The following ITGAV variants were observed in gnomAD, a reference collection of about 807,000 sequenced individuals.
ITGAV encodes integrin subunit alpha V, also known as integrin alpha-V.
ITGAV carries 76 observed loss-of-function variants against 143.8 expected under a neutral mutation model. The ratio of observed to expected loss-of-function variants is 0.53; its 90% CI spans 0.44 to 0.64. The LOEUF is 0.64. Ranked by LOEUF, ITGAV falls within the 30% of genes least tolerant of loss-of-function variation. ITGAV has a pLI of 0.00. For missense variants in ITGAV, 1,193 were observed against 1,274.7 expected (o/e 0.94, Z 0.98); for synonymous variants, 453 against 446.7 (o/e 1.01, Z -0.18).
At chr2:186,599,788 A>G (rs532224396) in intron 1 of ITGAV, among the ~76,000 whole-genome samples, 7 of 152,164 alleles carry the variant, frequency 4.6e-5, no homozygotes, top group East Asian at 1.9e-4. Context: ...TCTCCCATCA[A>G]TGCACTCAAG....
At chr2:186,671,694 A>G (rs1166124877) in intron 26 of ITGAV, among the ~76,000 whole-genome samples, 2 of 152,168 alleles carry the variant, frequency 1.3e-5, no homozygotes, top group Admixed American at 1.3e-4. Context: ...TATAATTACA[A>G]CATTGAACCA....
chr2:186,632,765 A>G (rs954216188), intron 5 of ITGAV, among the ~76,000 whole-genome samples: 1 of 152,164 alleles, frequency 6.6e-6, no homozygotes, highest in Non-Finnish European at 1.5e-5. Context: ...CAAAATTAAG[A>G]AGTGCCTTAA....
At chr2:186,670,006 T>C in intron 26 of ITGAV, 192 bp downstream of exon 26, 1 of 536,554 alleles carries the variant, frequency 1.9e-6, no homozygotes, top group South Asian at 2.3e-5. Context: ...TGAGCTATTT[T>C]TGTAGATGGC....
chr2:186,680,050 G>A lies in ITGAV; in HGVS notation c.*2758G>A, dbSNP rs200505465. The A allele has an allele frequency of 6.6e-6, 1 of 152,038 alleles. No individual in the cohort carries two copies. The highest frequency in any genetic ancestry group is 1.5e-5 in the Non-Finnish European group (1 of 67,942). The allele number at this position is 152,038 out of a possible 1,614,324, so 9.4% of individuals were successfully genotyped here. Reference sequence around the variant, plus strand: ...AAAGTATTGTATATAATAGATCAGCGATTTTTGTAAGGCAAACAGAATTTG... The same window carrying A: ...AAAGTATTGTATATAATAGATCAGCAATTTTTGTAAGGCAAACAGAATTTG... On this transcript the variant is annotated 3_prime_UTR_variant, in exon 30 of 30. Transcript: ENST00000261023.
Position 186,602,130 on chromosome 2 carries a change from C to A in ITGAV, c.295C>A (p.Pro99Thr). The A allele has an allele frequency of 1.2e-6, 2 of 1,610,260 alleles. No individual in the cohort carries two copies. Among genetic ancestry groups the A allele is most frequent in the Non-Finnish European group, 1.7e-6 (2 of 1,178,164 alleles). ...CTGGTCTTCTACCCGCCGGTGCCAG[C>A]CAATTGAATTTGATGCAACAGGTAA... Reference protein sequence around the residue: ...CDWSSTRRCQPIEFDATGNRD... With the variant: ...CDWSSTRRCQTIEFDATGNRD... Residue 99 changes from proline to threonine, a missense_variant, in exon 2 of 30, where the codon CCA (proline) becomes ACA (threonine). Transcript: ENST00000261023.
intron 18 of ITGAV, among the ~76,000 whole-genome samples, chr2:186,661,072 A>G (rs538793083): frequency 1.1e-4 from 16 of 152,242 alleles, no homozygotes; most frequent in Non-Finnish European, 1.6e-4. Context: ...GGGGGGACAC[A>G]GTTCAGCCCT....
intron 4 of ITGAV, among the ~76,000 whole-genome samples, chr2:186,629,851 T>A (rs543534308): frequency 6.6e-6 from 1 of 152,122 alleles, no homozygotes; most frequent in Admixed American, 6.5e-5. Flanking sequence ...CAAAGTAAAA[T>A]AAGGGGAAAG....
Position 186,633,336 on chromosome 2 carries a change from G to T in ITGAV, c.593G>T (p.Arg198Ile). 1 of 1,584,704 alleles carries T rather than the reference G, an allele frequency of 6.3e-7. No individual in the cohort carries two copies. The highest frequency in any genetic ancestry group is 8.6e-7 in the Non-Finnish European group (1 of 1,158,860). The change falls in exon 6 of 30, where the codon AGA (arginine) becomes ATA (isoleucine). Residue 198 changes from arginine to isoleucine, a missense_variant. Transcript: ENST00000261023. ...GFSIDFTKAD[R>I]VLLGGPGSFY... is the part of the protein sequence containing the mutation. ...TTGTGTGATTTCATCTAGGCTGACA[G>T]AGTACTTCTTGGTGGTCCTGGTAGC...
chr2:186,659,818 T>A (rs1688695180), intron 18 of ITGAV, among the ~76,000 whole-genome samples: 1 of 151,494 alleles, frequency 6.6e-6, no homozygotes, highest in South Asian at 2.1e-4. Context: ...TATGTGACAG[T>A]AGCAAAAGGC....
In ITGAV at chr2:186,678,512, T is replaced by G. The variant is rs1024415707; in HGVS notation, c.*1220T>G. The G allele has an allele frequency of 4.0e-6, 1 of 249,596 alleles. No homozygotes were observed. Among genetic ancestry groups the G allele is most frequent in the Admixed American group, 5.2e-5 (1 of 19,220 alleles). 15.5% of individuals were successfully genotyped at this position (249,596 alleles called of 1,614,324 possible). A position where few individuals can be genotyped will look rare whatever the true frequency, so the allele number is the denominator to read the frequency against. ...ATCAGTCTCGGCTGTCAGAATAACTTCTAAAAGGTATTTTTATAAGCAGTT... is the reference window on the plus strand; with the variant it reads ...ATCAGTCTCGGCTGTCAGAATAACTGCTAAAAGGTATTTTTATAAGCAGTT... On this transcript the variant is annotated 3_prime_UTR_variant, in exon 30 of 30. Coordinates refer to ENST00000261023, the MANE Select transcript of ITGAV (RefSeq NM_002210.5).
chr2:186,649,431 A>G (rs1450814102), intron 13 of ITGAV, among the ~76,000 whole-genome samples: 1 of 152,030 alleles, frequency 6.6e-6, no homozygotes, highest in East Asian at 1.9e-4. Context: ...TTCGAGTGCT[A>G]TCTGCTATAG....
chr2:186,615,569 ATCTTT>A (rs2105675344), intron 2 of ITGAV, among the ~76,000 whole-genome samples: 1 of 152,198 alleles, frequency 6.6e-6, no homozygotes, highest in Non-Finnish European at 1.5e-5. Context: ...AATGTTGAAC[ATCTTT>A]TCTTGTGCTT....
chr2:186,602,268 C>T (rs1574460674), intron 2 of ITGAV, 117 bp downstream of exon 2: 1 of 682,692 alleles, frequency 1.5e-6, no homozygotes. Flanking sequence ...CTCAGCTTCA[C>T]AGGGAAAATT....
intron 10 of ITGAV, among the ~76,000 whole-genome samples, chr2:186,640,297 C>T (rs763689067): frequency 2.0e-5 from 3 of 152,110 alleles, no homozygotes; most frequent in Non-Finnish European, 4.4e-5. Flanking sequence ...TCATAATAAA[C>T]CCAAACACAT....
At chr2:186,622,001 ATCT>A (rs1687539538) in intron 2 of ITGAV, among the ~76,000 whole-genome samples, 1 of 152,144 alleles carries the variant, frequency 6.6e-6, no homozygotes, top group Admixed American at 6.5e-5. Flanking sequence ...CCACCGAAAG[ATCT>A]TCTGGGAATA....
intron 15 of ITGAV, among the ~76,000 whole-genome samples, chr2:186,653,103 G>A (rs940524700): frequency 6.6e-5 from 10 of 151,642 alleles, no homozygotes; most frequent in African/African-American, 2.4e-4. Flanking sequence ...CCACCAACAC[G>A]CCCGGCTAAT....
At chr2:186,664,035 A>G (rs1688821054) in intron 19 of ITGAV, among the ~76,000 whole-genome samples, 200 bp downstream of exon 19, 1 of 152,222 alleles carries the variant, frequency 6.6e-6, no homozygotes, top group Non-Finnish European at 1.5e-5. Flanking sequence ...AGGTTGAAAG[A>G]GTTATTACCA....
intron 2 of ITGAV, among the ~76,000 whole-genome samples, chr2:186,609,225 G>A (rs1687147716): frequency 6.6e-6 from 1 of 152,072 alleles, no homozygotes; most frequent in African/African-American, 2.4e-5. Flanking sequence ...TTATCTGTTG[G>A]GCTAATTAGT....
In ITGAV at chr2:186,621,088, T is replaced by C. The variant is rs980234634; in HGVS notation, c.317-1251T>C. On this transcript the variant is annotated intron_variant, in intron 2 of 29. Coordinates refer to ENST00000261023, the MANE Select transcript of ITGAV (RefSeq NM_002210.5). ...TTGTTTTATGTTTTGGTTTGTTTTG[T>C]AATGAATAAGACATCTATAATTAGA... 1.1e-4 allele frequency among the ~76,000 whole-genome samples: 17 copies of C among 152,320 alleles called. 1 individual carries two copies. Among genetic ancestry groups the C allele is most frequent in the African/African-American group, 2.9e-4 (12 of 41,582 alleles).
Sources: gnomAD v4.1 joint callset for allele counts (sites outside exome capture counted in the v4.1 genomes callset) on GRCh38, gnomAD v4.1.1 for gene constraint, MANE v1.5 for transcripts, NCBI Gene and HGNC (gene_info 2026-07-23, HGNC 2026-07-21) for gene names.